The following GPSM2 variants were observed in gnomAD, a reference collection of about 807,000 sequenced individuals.
GPSM2 encodes the protein G protein-signaling modulator 2.
Under a neutral mutation model 78.4 loss-of-function variants are expected in GPSM2, and 58 were observed. The observed-to-expected ratio is 0.74, with a 90% confidence interval of 0.60 to 0.92. The LOEUF is 0.92. Ranked by LOEUF, GPSM2 falls within the 40% of genes least tolerant of loss-of-function variation. GPSM2 has a pLI of 0.00. For missense variants in GPSM2, 700 were observed against 815.5 expected (o/e 0.86, Z 1.73); for synonymous variants, 224 against 280.2 (o/e 0.80, Z 2.00).
chr1:108,922,234 C>T (rs1158008725), intron 12 of GPSM2, among the ~76,000 whole-genome samples, 183 bp from the exon 13 acceptor site: 1 of 152,112 alleles, frequency 6.6e-6, no homozygotes, highest in Non-Finnish European at 1.5e-5. Flanking sequence ...AAATGAAGTG[C>T]TTTTTGTTGG....
intron 8 of GPSM2, 150 bp downstream of exon 8, chr1:108,902,095 A>T: frequency 1.6e-6 from 1 of 635,854 alleles, no homozygotes; most frequent in South Asian, 1.8e-5. Context: ...ATATCATTGT[A>T]TGAAGGGCTA....
chr1:108,932,612 T>TATCA lies in GPSM2; in HGVS notation c.*2673_*2676dup, dbSNP rs1284889923. The TATCA allele has an allele frequency of 2.6e-5, 4 of 152,366 alleles. No homozygotes were observed. The highest frequency in any genetic ancestry group is 4.4e-5 in the Non-Finnish European group (3 of 68,032). 9.4% of individuals were successfully genotyped at this position (152,366 alleles called of 1,614,324 possible). On this transcript the variant is annotated 3_prime_UTR_variant, in exon 15 of 15. Transcript: ENST00000264126. ...ATTAATTCCACTCACAGTTACAGTC[T>TATCA]ATCACCTGGGGCATTCACTACTTTT...
In GPSM2 at chr1:108,930,945, A is replaced by G; in HGVS notation, c.*1005A>G. The G allele has an allele frequency of 6.2e-6, 1 of 160,298 alleles. No individual in the cohort carries two copies. The highest frequency in any genetic ancestry group is 1.3e-5 in the Non-Finnish European group (1 of 74,146). The allele number at this position is 160,298 out of a possible 1,614,324, so 9.9% of individuals were successfully genotyped here. A position where few individuals can be genotyped will look rare whatever the true frequency, so the allele number is the denominator to read the frequency against. On this transcript the variant is annotated 3_prime_UTR_variant, in exon 15 of 15. Coordinates refer to ENST00000264126, the MANE Select transcript of GPSM2 (RefSeq NM_013296.5). ...CACACACCTGTAGTCCCAACTGCTT[A>G]AGAGGCTGAGGCAGGAGGACCACTT... is the stretch of plus-strand genomic sequence containing the variant.
At chr1:108,908,519 T>TA (rs201029188) in intron 10 of GPSM2, among the ~76,000 whole-genome samples, 4,840 of 138,800 alleles carry the variant, frequency 0.035, 143 homozygotes, top group Non-Finnish European at 0.045. Context: ...GTGTCTCTAC[T>TA]AAAAAATTAG....
Position 108,897,645 on chromosome 1 carries a change from G to A in GPSM2, c.414+18G>A. 6.2e-7 allele frequency: 1 copy of A among 1,605,078 alleles called. No individual in the cohort carries two copies. Among genetic ancestry groups the A allele is most frequent in the South Asian group, 1.1e-5 (1 of 90,872 alleles). ...ATGACAAGGTAATACCGCAGCATTA[G>A]ATGGTAGGCCTAATATTTTCATTCA... On this transcript the variant is annotated intron_variant, in intron 4 of 14. Transcript: ENST00000264126.
chr1:108,901,802 G>A lies in GPSM2; in HGVS notation c.810G>A (p.Leu270=). 2 of 1,611,296 alleles carry A rather than the reference G, an allele frequency of 1.2e-6. No homozygotes were observed. Among genetic ancestry groups the A allele is most frequent in the East Asian group, 2.2e-5 (1 of 44,844 alleles). ...TASEYYKKTL[L]LARQLKDRAV... The stretch of plus-strand genomic sequence containing the variant: ...TTTCTTCTTGTAGGAAGACACTACT[G>A]TTGGCCCGACAGCTTAAAGACCGAG... The change falls in exon 8 of 15, where the codon CTG becomes CTA. Residue 270 remains leucine (L), a synonymous_variant. Transcript: ENST00000264126.
intron 14 of GPSM2, among the ~76,000 whole-genome samples, chr1:108,927,550 T>C (rs972935487): frequency 3.9e-5 from 6 of 152,094 alleles, no homozygotes; most frequent in Admixed American, 2.6e-4. Flanking sequence ...GAAAAGACAG[T>C]TTTATCAACA....
chr1:108,926,058 T>C (rs1404215871), intron 14 of GPSM2, among the ~76,000 whole-genome samples: 1 of 152,112 alleles, frequency 6.6e-6, no homozygotes, highest in African/African-American at 2.4e-5. Flanking sequence ...AGATTGGAGT[T>C]GGGGAGCACT....
At chr1:108,877,404 G>C (rs1376115238) in intron 1 of GPSM2, 176 bp downstream of exon 1, 2 of 152,290 alleles carry the variant, frequency 1.3e-5, no homozygotes, top group Non-Finnish European at 2.9e-5. Context: ...GGCGCTGCGG[G>C]GACGCGGCGT....
At chr1:108,913,324 T>C (rs1649911551) in intron 10 of GPSM2, among the ~76,000 whole-genome samples, 1 of 152,200 alleles carries the variant, frequency 6.6e-6, no homozygotes, top group Non-Finnish European at 1.5e-5. Context: ...CAAATATCTG[T>C]CACTAATAAA....
At chr1:108,918,413 G>A (rs1451512459) in intron 11 of GPSM2, among the ~76,000 whole-genome samples, 200 bp from the exon 12 acceptor site, 1 of 152,078 alleles carries the variant, frequency 6.6e-6, no homozygotes, top group Admixed American at 6.5e-5. Context: ...TTGATAATGA[G>A]AATCCACAGT....
In GPSM2 at chr1:108,930,145, T is replaced by A; in HGVS notation, c.*205T>A. 1.8e-6 allele frequency: 1 copy of A among 563,680 alleles called. No individual in the cohort carries two copies. The highest frequency in any genetic ancestry group is 3.1e-6 in the Non-Finnish European group (1 of 320,610). 34.9% of individuals were successfully genotyped at this position (563,680 alleles called of 1,614,324 possible). A position where few individuals can be genotyped will look rare whatever the true frequency, so the allele number is the denominator to read the frequency against. On this transcript the variant is annotated 3_prime_UTR_variant, in exon 15 of 15. Transcript: ENST00000264126. ...AGGGTGGAGGGGTCCTGTAAGGTGC[T>A]TCATCGTCTGTGATTACTGCTTGGG...
At chr1:108,878,951 C>A (rs1209352169) in intron 1 of GPSM2, among the ~76,000 whole-genome samples, 2 of 152,148 alleles carry the variant, frequency 1.3e-5, no homozygotes, top group African/African-American at 4.8e-5. Flanking sequence ...TGCTGTATTG[C>A]TTCTGTGTGT....
chr1:108,894,069 A>G (rs920569519), intron 2 of GPSM2, among the ~76,000 whole-genome samples: 1 of 152,148 alleles, frequency 6.6e-6, no homozygotes, highest in Non-Finnish European at 1.5e-5. Flanking sequence ...ACATTTTTAT[A>G]TATCTTTTGT....
At chr1:108,926,939 CAG>C (rs761495388) in intron 14 of GPSM2, 6 of 152,240 alleles carry the variant, frequency 3.9e-5, no homozygotes, top group Non-Finnish European at 8.8e-5. Context: ...ATAAAATTGA[CAG>C]AGGTAATCAA....
intron 1 of GPSM2, among the ~76,000 whole-genome samples, chr1:108,883,659 A>G (rs527558592): frequency 1.6e-4 from 25 of 152,266 alleles, no homozygotes; most frequent in African/African-American, 5.5e-4. Context: ...CAGAGGTTAT[A>G]GTTTATGTCT....
chr1:108,911,357 G>A (rs12405146), intron 10 of GPSM2, among the ~76,000 whole-genome samples: 5,284 of 152,034 alleles, frequency 0.035, 105 homozygotes, highest in Middle Eastern at 0.075. Flanking sequence ...GTGAGACCCC[G>A]TCTCTACTAA....
At chr1:108,894,360 C>T (rs1015060325) in intron 2 of GPSM2, among the ~76,000 whole-genome samples, 1 of 152,114 alleles carries the variant, frequency 6.6e-6, no homozygotes, top group African/African-American at 2.4e-5. Flanking sequence ...AATATTGTAG[C>T]AAAATGTTGG....
At chr1:108,921,635 C>T (rs138396502) in intron 12 of GPSM2, among the ~76,000 whole-genome samples, 3 of 152,216 alleles carry the variant, frequency 2.0e-5, no homozygotes, top group East Asian at 1.9e-4. Context: ...CTATAGCTAC[C>T]CCTGCCCTTC....
Sources: gnomAD v4.1 joint callset for allele counts (sites outside exome capture counted in the v4.1 genomes callset) on GRCh38, gnomAD v4.1.1 for gene constraint, MANE v1.5 for transcripts, NCBI Gene and HGNC (gene_info 2026-07-23, HGNC 2026-07-21) for gene names.